Variants in AFF3 observed in about 807,000 individuals in gnomAD.
AFF3 encodes ALF transcription elongation factor 3.
AFF3 carries 32 observed loss-of-function variants against 129.7 expected under a neutral mutation model. The ratio of observed to expected loss-of-function variants is 0.25; its 90% CI spans 0.19 to 0.33. The LOEUF is 0.33. Ranked by LOEUF, AFF3 falls within the 10% of genes least tolerant of loss-of-function variation. AFF3 has a pLI of 1.00. For missense variants in AFF3, 1,373 were observed against 1,592.0 expected, an observed-to-expected ratio of 0.86 and a Z score of 2.34; for synonymous variants, 644 against 635.4, an observed-to-expected ratio of 1.01 and a Z score of -0.20.
At chr2:99,612,707 T>C (rs568140797) in intron 13 of AFF3, among the ~76,000 whole-genome samples, 1 of 152,230 alleles carries the variant, frequency 6.6e-6, no homozygotes, top group South Asian at 2.1e-4. Context: ...TTGCTCAAGA[T>C]TGAGTTAGAG....
intron 7 of AFF3, among the ~76,000 whole-genome samples, chr2:100,003,856 A>G (rs1681683666): frequency 1.3e-5 from 2 of 152,188 alleles, no homozygotes; most frequent in South Asian, 2.1e-4. Context: ...CCTAGGGCTA[A>G]AAGGCCAATT....
chr2:100,038,118 G>A (rs1294314747), intron 4 of AFF3, among the ~76,000 whole-genome samples: 1 of 151,958 alleles, frequency 6.6e-6, no homozygotes. Context: ...AGAGGAGAGG[G>A]TGAAGACACT....
chr2:99,613,296 C>T (rs1012084439), intron 13 of AFF3, among the ~76,000 whole-genome samples: 1 of 151,980 alleles, frequency 6.6e-6, no homozygotes, highest in African/African-American at 2.4e-5. Flanking sequence ...TTCTGGGAAA[C>T]GTTAAGTAAT....
chr2:99,793,951 T>C (rs1472879314), intron 8 of AFF3, among the ~76,000 whole-genome samples: 1 of 152,232 alleles, frequency 6.6e-6, no homozygotes, highest in Non-Finnish European at 1.5e-5. Flanking sequence ...TCTAACTACA[T>C]TTTACATACA....
chr2:99,705,304 T>C (rs1488364187), intron 11 of AFF3, among the ~76,000 whole-genome samples: 1 of 152,098 alleles, frequency 6.6e-6, no homozygotes, highest in Non-Finnish European at 1.5e-5. Flanking sequence ...TTTGCCTGTG[T>C]TTGTATTGTT....
intron 7 of AFF3, among the ~76,000 whole-genome samples, chr2:99,967,977 C>T (rs1677957406): frequency 6.6e-6 from 1 of 152,230 alleles, no homozygotes; most frequent in African/African-American, 2.4e-5. Flanking sequence ...TACCATTCTG[C>T]TTTAATGTCT....
At chr2:99,940,340 T>C (rs1040193655) in intron 7 of AFF3, among the ~76,000 whole-genome samples, 1 of 152,208 alleles carries the variant, frequency 6.6e-6, no homozygotes, top group African/African-American at 2.4e-5. Flanking sequence ...CCATCTTGAA[T>C]AGGAGCTGGG....
intron 2 of AFF3, among the ~76,000 whole-genome samples, chr2:100,114,583 T>A (rs1288557757): frequency 6.6e-6 from 1 of 152,204 alleles, no homozygotes; most frequent in African/African-American, 2.4e-5. Context: ...GGTTTCACCA[T>A]GTTGGCCAGG....
Position 99,794,644 on chromosome 2 carries a change from T to G in AFF3, c.922-42343A>C, listed in dbSNP as rs139331312. 4.8e-3 allele frequency among the ~76,000 whole-genome samples: 729 copies of G among 152,266 alleles called. 8 individuals carry two copies. Among genetic ancestry groups the G allele is most frequent in the Non-Finnish European group, 6.2e-3 (421 of 68,024 alleles). On this transcript the variant is annotated intron_variant, in intron 8 of 24. Transcript: ENST00000672756. ...ATTTCTGGAACTCTTCCTCTGAGTA[T>G]CTCCACTTTAGTATTCTGTCTTGCA...
chr2:99,728,861 G>A (rs1290588893), intron 10 of AFF3, among the ~76,000 whole-genome samples: 2 of 152,172 alleles, frequency 1.3e-5, no homozygotes, highest in Non-Finnish European at 2.9e-5. Flanking sequence ...TCCAGGCAAG[G>A]TCTGTGGTGC....
chr2:99,897,852 A>G (rs1694085656), intron 7 of AFF3, among the ~76,000 whole-genome samples: 1 of 152,250 alleles, frequency 6.6e-6, no homozygotes, highest in Non-Finnish European at 1.5e-5. Context: ...TAGTTGAAAA[A>G]AAGATGTAGG....
intron 13 of AFF3, among the ~76,000 whole-genome samples, chr2:99,640,449 G>C (rs1333625949): frequency 2.0e-5 from 3 of 152,016 alleles, no homozygotes; most frequent in African/African-American, 7.3e-5. Context: ...CTAACAAGGA[G>C]GGCATTAGTA....
At chr2:100,080,305 AGTTAGAT>A (rs1414481125) in intron 4 of AFF3, among the ~76,000 whole-genome samples, 1 of 152,234 alleles carries the variant, frequency 6.6e-6, no homozygotes, top group Non-Finnish European at 1.5e-5. Context: ...TATTATTAGT[AGTTAGAT>A]GTTTATTGTA....
chr2:99,735,229 T>C (rs1247060957), intron 10 of AFF3, among the ~76,000 whole-genome samples: 1 of 152,166 alleles, frequency 6.6e-6, no homozygotes, highest in African/African-American at 2.4e-5. Flanking sequence ...TATTCCCTTT[T>C]TGATTCCTAA....
At chr2:99,862,180 A>G (rs1691047342) in intron 7 of AFF3, among the ~76,000 whole-genome samples, 1 of 151,882 alleles carries the variant, frequency 6.6e-6, no homozygotes, top group South Asian at 2.1e-4. Flanking sequence ...TTTAATATCT[A>G]TACTTCCTAT....
Position 99,584,817 on chromosome 2 carries a change from G to GA in AFF3, c.2592-1819dup, listed in dbSNP as rs369925888. 1.1e-3 allele frequency among the ~76,000 whole-genome samples: 175 copies of GA among 152,306 alleles called. 1 individual carries two copies. The highest frequency in any genetic ancestry group is 4.1e-3 in the African/African-American group (170 of 41,570). On this transcript the variant is annotated intron_variant, in intron 16 of 24. Transcript: ENST00000672756. ...ATTTACTCATTATTCTTGGGGTTGG[G>GA]ATCTCTTAATTGCACGTGTTGGTTA...
At chr2:99,814,436 T>G (rs188667184) in intron 8 of AFF3, among the ~76,000 whole-genome samples, 1 of 152,280 alleles carries the variant, frequency 6.6e-6, no homozygotes, top group Non-Finnish European at 1.5e-5. Context: ...GAAGCTGAGT[T>G]GGAGCACGCA....
chr2:99,586,249 C>A (rs1189351808), intron 16 of AFF3, among the ~76,000 whole-genome samples: 3 of 152,224 alleles, frequency 2.0e-5, no homozygotes, highest in Non-Finnish European at 4.4e-5. Flanking sequence ...GCAAAGAGGA[C>A]CGAGGAGTGG....
chr2:100,136,101 G>A (rs1031192814), intron 1 of AFF3, among the ~76,000 whole-genome samples: 6 of 152,176 alleles, frequency 3.9e-5, no homozygotes, highest in African/African-American at 7.2e-5. Flanking sequence ...ATTCTGCTTC[G>A]GACATGTTAA....
Sources: allele counts gnomAD v4.1 joint callset (sites outside exome capture counted in the v4.1 genomes callset), GRCh38; gene constraint gnomAD v4.1.1; transcripts MANE v1.5; gene names NCBI Gene and HGNC (gene_info 2026-07-23, HGNC 2026-07-21).